The following PTPRD variants were observed in gnomAD, a reference collection of about 807,000 sequenced individuals.
PTPRD encodes the protein receptor-type tyrosine-protein phosphatase delta.
Under a neutral mutation model 214.5 loss-of-function variants are expected in PTPRD, and 34 were observed. That is an observed-to-expected ratio of 0.16 (90% CI 0.12 to 0.21). The LOEUF (loss-of-function observed/expected upper bound fraction) is 0.21, where lower values mean the gene tolerates loss of function less well. Among genes scored for constraint, PTPRD ranks in the 10% least tolerant of loss-of-function variants. PTPRD has a pLI of 1.00. For missense variants in PTPRD, 2,545 were observed against 2,398.7 expected (o/e 1.06, Z -1.27); for synonymous variants, 1,128 against 845.7 (o/e 1.33, Z -5.79).
At chr9:9,773,626 AAG>A (rs2098771709) in intron 5 of PTPRD, among the ~76,000 whole-genome samples, 1 of 152,188 alleles carries the variant, frequency 6.6e-6, no homozygotes, top group Non-Finnish European at 1.5e-5. Flanking sequence ...GAAACAGTCT[AAG>A]CCTTGTTGTA....
At chr9:9,557,832 T>C (rs2081914392) in intron 8 of PTPRD, among the ~76,000 whole-genome samples, 1 of 151,830 alleles carries the variant, frequency 6.6e-6, no homozygotes, top group Admixed American at 6.6e-5. Flanking sequence ...CTGAGGGGAG[T>C]GGGTGGATGG....
intron 2 of PTPRD, among the ~76,000 whole-genome samples, chr9:10,526,340 A>C (rs569397615): frequency 6.6e-6 from 1 of 152,146 alleles, no homozygotes; most frequent in Non-Finnish European, 1.5e-5. Flanking sequence ...TAATATTGCT[A>C]AAGTGTGGCT....
chr9:9,996,397 G>A (rs1016083208), intron 4 of PTPRD, among the ~76,000 whole-genome samples: 3 of 152,160 alleles, frequency 2.0e-5, no homozygotes, highest in Non-Finnish European at 1.5e-5. Context: ...GGGAGAGGCT[G>A]ATAAAATAAA....
intron 3 of PTPRD, among the ~76,000 whole-genome samples, chr9:10,199,470 C>T (rs2099411036): frequency 6.6e-6 from 1 of 151,992 alleles, no homozygotes; most frequent in Admixed American, 6.6e-5. Flanking sequence ...AAACTTTAGG[C>T]ATCAGGCACT....
At chr9:10,099,901 A>G (rs113904395) in intron 3 of PTPRD, among the ~76,000 whole-genome samples, 149 of 151,892 alleles carry the variant, frequency 9.8e-4, no homozygotes, top group African/African-American at 3.4e-3. Flanking sequence ...CTAAACTAGT[A>G]TAAGACATAC....
intron 5 of PTPRD, among the ~76,000 whole-genome samples, chr9:9,834,925 A>G (rs192902450): frequency 5.1e-4 from 78 of 151,862 alleles, no homozygotes; most frequent in African/African-American, 1.7e-3. Context: ...TTAACCTAAC[A>G]GGTACTTTTG....
chr9:10,425,821 A>G (rs1205762595), intron 2 of PTPRD, among the ~76,000 whole-genome samples: 2 of 151,974 alleles, frequency 1.3e-5, no homozygotes, highest in Admixed American at 6.6e-5. Context: ...CTCAATTATT[A>G]TAAAATATAT....
intron 12 of PTPRD, among the ~76,000 whole-genome samples, chr9:8,644,362 A>G (rs1250056063): frequency 2.0e-5 from 3 of 152,194 alleles, no homozygotes; most frequent in Admixed American, 1.3e-4. Flanking sequence ...CTATTGCTCA[A>G]TAAAGCTCTT....
chr9:8,470,901 C>T, intron 31 of PTPRD, 94 bp downstream of exon 31: 1 of 1,096,884 alleles, frequency 9.1e-7, no homozygotes, highest in Non-Finnish European at 1.4e-6. Context: ...AGCCAGCACC[C>T]AGATTAGATC....
chr9:8,878,102 C>T (rs1407424867), intron 11 of PTPRD, among the ~76,000 whole-genome samples: 1 of 152,178 alleles, frequency 6.6e-6, no homozygotes, highest in African/African-American at 2.4e-5. Flanking sequence ...TTGTATTAAT[C>T]CTCTGGAAGA....
chr9:8,326,501 T>C (rs1231652943), intron 44 of PTPRD, among the ~76,000 whole-genome samples: 5 of 151,362 alleles, frequency 3.3e-5, no homozygotes. Flanking sequence ...TTGGCATCGA[T>C]GTTCATCAGG....
intron 5 of PTPRD, among the ~76,000 whole-genome samples, chr9:9,932,127 A>G (rs1179491838): frequency 1.3e-5 from 2 of 148,634 alleles, no homozygotes; most frequent in Non-Finnish European, 2.9e-5. Context: ...AAGATGGGGA[A>G]AAAACAGAAC....
intron 2 of PTPRD, among the ~76,000 whole-genome samples, chr9:10,609,851 G>C (rs1193320775): frequency 6.6e-6 from 1 of 152,044 alleles, no homozygotes; most frequent in African/African-American, 2.4e-5. Context: ...TGTTGCTATA[G>C]TTACAAGAGT....
At chr9:8,584,093 G>A (rs768812491) in intron 14 of PTPRD, among the ~76,000 whole-genome samples, 1 of 152,152 alleles carries the variant, frequency 6.6e-6, no homozygotes, top group South Asian at 2.1e-4. Context: ...GTTCGAGGCT[G>A]TAGTGAGCCA....
intron 9 of PTPRD, among the ~76,000 whole-genome samples, chr9:9,267,107 G>A (rs918413467): frequency 6.6e-6 from 1 of 151,112 alleles, no homozygotes; most frequent in Non-Finnish European, 1.5e-5. Context: ...TACCCTGATG[G>A]ATCACCACGC....
intron 8 of PTPRD, among the ~76,000 whole-genome samples, chr9:9,400,163 T>C (rs1253405095): frequency 6.6e-6 from 1 of 150,688 alleles, no homozygotes; most frequent in Non-Finnish European, 1.5e-5. Flanking sequence ...TAAGTACCCA[T>C]TGATTTATTG....
At chr9:9,903,467 C>T (rs1374003860) in intron 5 of PTPRD, among the ~76,000 whole-genome samples, 2 of 152,012 alleles carry the variant, frequency 1.3e-5, no homozygotes, top group Non-Finnish European at 2.9e-5. Context: ...CTTAGAATTC[C>T]ATTACACACA....
intron 12 of PTPRD, among the ~76,000 whole-genome samples, chr9:8,637,392 C>G (rs76296023): frequency 6.6e-6 from 1 of 152,174 alleles, no homozygotes; most frequent in African/African-American, 2.4e-5. Flanking sequence ...GACTCTCTAA[C>G]CCAGATATTG....
At chr9:9,688,911 G>A in intron 7 of PTPRD, among the ~76,000 whole-genome samples, 1 of 151,702 alleles carries the variant, frequency 6.6e-6, no homozygotes, top group Non-Finnish European at 1.5e-5. Flanking sequence ...CTAATAGATG[G>A]ATATGTGAAT....
Sources: allele counts gnomAD v4.1 joint callset (sites outside exome capture counted in the v4.1 genomes callset), GRCh38; gene constraint gnomAD v4.1.1; transcripts MANE v1.5; gene names NCBI Gene and HGNC (gene_info 2026-07-23, HGNC 2026-07-21).